Variants in DPH6 observed in about 807,000 individuals in gnomAD.
DPH6 encodes diphthamine biosynthesis 6.
A neutral mutation model predicts 38.2 loss-of-function variants in DPH6; 33 were observed. The observed-to-expected ratio is 0.86, with a 90% CI of 0.65 to 1.15. The LOEUF (loss-of-function observed/expected upper bound fraction) is 1.15. Ranked by LOEUF, DPH6 falls within the 50% of genes most tolerant of loss-of-function variation. The pLI, the probability that DPH6 is intolerant of heterozygous loss-of-function variation, is 0.00. For missense variants in DPH6, 325 were observed against 320.0 expected, an observed-to-expected ratio of 1.02 and a Z score of -0.12; for synonymous variants, 108 against 103.0, an observed-to-expected ratio of 1.05 and a Z score of -0.30.
At chr15:35,447,399 T>A (rs965685777) in intron 5 of DPH6, among the ~76,000 whole-genome samples, 6 of 152,290 alleles carry the variant, frequency 3.9e-5, no homozygotes, top group Admixed American at 2.0e-4. Context: ...TCCACAGAAC[T>A]TGAATTCACT....
At chr15:35,152,747 C>T in the DPH6 span, among the ~76,000 whole-genome samples, 3 of 152,216 alleles carry the variant, frequency 2.0e-5, no homozygotes, top group African/African-American at 7.2e-5. Context: ...GATCCACCCA[C>T]CTTGGCCTCC....
intron 4 of DPH6, among the ~76,000 whole-genome samples, chr15:35,453,743 A>AT (rs1260957557): frequency 4.6e-5 from 7 of 151,780 alleles, no homozygotes; most frequent in Admixed American, 1.3e-4. Flanking sequence ...AAAATTCTGT[A>AT]TTTTTTTTAA....
At chr15:35,161,267 C>T in the DPH6 span, among the ~76,000 whole-genome samples, 26 of 151,934 alleles carry the variant, frequency 1.7e-4, no homozygotes, top group East Asian at 2.3e-3. Context: ...TTACTGAATC[C>T]GCCAACTCTT....
intron 5 of DPH6, among the ~76,000 whole-genome samples, chr15:35,430,047 G>A (rs2053612761): frequency 6.6e-6 from 1 of 151,994 alleles, no homozygotes; most frequent in Admixed American, 6.6e-5. Flanking sequence ...TTGCTAATTT[G>A]TTTGTAAAGG....
At chr15:35,209,726 A>G in the DPH6 span, among the ~76,000 whole-genome samples, 5 of 152,356 alleles carry the variant, frequency 3.3e-5, no homozygotes, top group South Asian at 2.1e-4. Context: ...AGTGATGACT[A>G]TAAGTTTCTA....
chr15:35,320,807 T>C lies in DPH6; in HGVS notation n.200+52714A>G, dbSNP rs1266088728. 3.9e-5 allele frequency among the ~76,000 whole-genome samples: 6 copies of C among 152,308 alleles called. No homozygotes were observed. In the East Asian group the frequency reaches 1.2e-3, roughly 29 times the overall value. On this transcript the variant is annotated intron_variant and non_coding_transcript_variant, in intron 3 of 3. Transcript: ENST00000560386. Reference sequence around the variant, plus strand: ...TTCTAAAGTTGCTATAGATTTATTATTATTTTATATTTCTTCTGTCATTTC... The same window carrying C: ...TTCTAAAGTTGCTATAGATTTATTACTATTTTATATTTCTTCTGTCATTTC...
intron 7 of DPH6, among the ~76,000 whole-genome samples, chr15:35,381,027 A>C (rs1831692097): frequency 7.1e-6 from 1 of 140,000 alleles, no homozygotes; most frequent in Non-Finnish European, 1.6e-5. Flanking sequence ...AAGAAAATCC[A>C]CCTAGAGTTG....
chr15:35,400,801 G>C (rs1445972386), intron 6 of DPH6: 2 of 760,040 alleles, frequency 2.6e-6, no homozygotes, highest in Non-Finnish European at 4.8e-6. Context: ...TGAGCAATGG[G>C]GAATGCTCAC....
At position 35,538,372 on chromosome 15, in the gene DPH6, G is replaced by T. The variant is rs371901885; in HGVS notation, c.214C>A (p.Arg72=). 6.2e-7 allele frequency: 1 copy of T among 1,611,286 alleles called. No individual in the cohort carries two copies. Among genetic ancestry groups the T allele is most frequent in the South Asian group, 1.1e-5 (1 of 90,760 alleles). ...TCCAAGCTCCTTCCTCTTATGGTTCGGCGATAGAGGGGAAGAGCCATTGCT... is the reference window on the plus strand; with the variant it reads ...TCCAAGCTCCTTCCTCTTATGGTTCTGCGATAGAGGGGAAGAGCCATTGCT... The part of the protein sequence containing the change: ...AEAMALPLYR[R]TIRGRSLDTR... Residue 72 remains arginine, a synonymous_variant, in exon 3 of 9, where the codon CGA becomes AGA. Coordinates refer to ENST00000256538, the MANE Select transcript of DPH6 (RefSeq NM_080650.4).
chr15:35,149,068 T>A, the DPH6 span, among the ~76,000 whole-genome samples: 2 of 151,432 alleles, frequency 1.3e-5, no homozygotes, highest in Non-Finnish European at 2.9e-5. Flanking sequence ...AACATCTCCA[T>A]CCCCCTTCTC....
chr15:35,465,940 A>AGTCATCCCAGATCAAATTC (rs1301672426), intron 3 of DPH6, among the ~76,000 whole-genome samples: 2 of 152,236 alleles, frequency 1.3e-5, no homozygotes, highest in African/African-American at 4.8e-5. Flanking sequence ...AACAGTATGA[A>AGTCATCCCAGATCAAATTC]GTCATCCCAG....
intron 3 of DPH6, among the ~76,000 whole-genome samples, chr15:35,351,251 T>C (rs1165173716): frequency 6.6e-6 from 1 of 152,190 alleles, no homozygotes; most frequent in Non-Finnish European, 1.5e-5. Context: ...TAGTATGACA[T>C]TTATTTCTCA....
chr15:35,297,317 C>T (rs2052021929), intron 3 of DPH6, among the ~76,000 whole-genome samples: 1 of 150,600 alleles, frequency 6.6e-6, no homozygotes, highest in South Asian at 2.1e-4. Context: ...TATATCCACT[C>T]TTTTCCCTCC....
intron 3 of DPH6, among the ~76,000 whole-genome samples, chr15:35,356,660 G>T (rs1369139415): frequency 1.3e-5 from 2 of 152,156 alleles, no homozygotes; most frequent in African/African-American, 4.8e-5. Flanking sequence ...TCTCAGAGGA[G>T]TACCTGGCCA....
At chr15:35,524,951 T>C (rs2054976207) in intron 3 of DPH6, among the ~76,000 whole-genome samples, 1 of 152,166 alleles carries the variant, frequency 6.6e-6, no homozygotes, top group Non-Finnish European at 1.5e-5. Flanking sequence ...AAGTTGACTA[T>C]TTGATATAAA....
At chr15:35,479,714 C>G (rs1047413170) in intron 3 of DPH6, among the ~76,000 whole-genome samples, 2 of 152,078 alleles carry the variant, frequency 1.3e-5, no homozygotes, top group Admixed American at 6.6e-5. Context: ...TTAATGCCTG[C>G]TCCCTTTGAC....
the DPH6 span, among the ~76,000 whole-genome samples, chr15:35,147,009 T>C: frequency 1.3e-5 from 2 of 152,226 alleles, no homozygotes; most frequent in African/African-American, 4.8e-5. Flanking sequence ...ACATTACATA[T>C]AACAGTGTCA....
rs540548613 is a variant in DPH6 at position 35,529,494 on chromosome 15, C to A, written c.312+8780G>T. ...TATGGGTGGGGACACAGAGCCAAAC[C>A]CTATCAGATATCAAATGTAACTTGC... On this transcript the variant is annotated intron_variant, in intron 3 of 8. Transcript: ENST00000256538. Among the ~76,000 whole-genome samples, 5 of 152,168 alleles carry A rather than the reference C, an allele frequency of 3.3e-5. No homozygotes were observed. In the South Asian group the frequency reaches 1.0e-3, roughly 32 times the overall value.
Position 35,381,935 on chromosome 15 carries a change from A to G in DPH6, c.568-19T>C. ...TAGAAAGCTGAAAATAGGAAAACACAAAAAACAAGAAAGAAGTTTAAAATT... is the reference window on the plus strand; with the variant it reads ...TAGAAAGCTGAAAATAGGAAAACACGAAAAACAAGAAAGAAGTTTAAAATT... On this transcript the variant is annotated intron_variant, in intron 6 of 8. Transcript: ENST00000256538. The G allele has an allele frequency of 1.3e-6, 2 of 1,570,214 alleles. No individual in the cohort carries two copies.
Sources: gnomAD v4.1 joint callset for allele counts (sites outside exome capture counted in the v4.1 genomes callset) on GRCh38, gnomAD v4.1.1 for gene constraint, MANE v1.5 for transcripts, NCBI Gene and HGNC (gene_info 2026-07-23, HGNC 2026-07-21) for gene names.